DCC: variants seen among roughly 807,000 people sequenced by gnomAD.
DCC encodes the protein DCC netrin 1 receptor, also known as netrin receptor DCC.
DCC carries 58 observed loss-of-function variants against 172.5 expected under a neutral mutation model. The ratio of observed to expected loss-of-function variants is 0.34; its 90% CI spans 0.27 to 0.42. The LOEUF (loss-of-function observed/expected upper bound fraction) is 0.42. DCC is among the 10% of genes least tolerant of loss of function. DCC has a pLI of 1.00. For missense variants in DCC, 1,740 were observed against 1,791.0 expected (o/e 0.97, Z 0.51); for synonymous variants, 709 against 644.5 (o/e 1.10, Z -1.52).
intron 9 of DCC, among the ~76,000 whole-genome samples, chr18:53,190,565 G>A (rs901219446): frequency 6.6e-6 from 1 of 150,874 alleles, no homozygotes; most frequent in Admixed American, 6.6e-5. Context: ...ATTACCTTTT[G>A]ATAACAGTTC....
At chr18:53,158,115 C>T (rs984185457) in intron 8 of DCC, among the ~76,000 whole-genome samples, 1 of 147,264 alleles carries the variant, frequency 6.8e-6, no homozygotes, top group Admixed American at 7.1e-5. Context: ...TATGTCCCCA[C>T]GAAAATTAAA....
In DCC at chr18:52,718,336, A is replaced by C. The variant is rs375791014; in HGVS notation, c.92-33718A>C. ...GTATTTGGGCAGAGATAATTGAATA[A>C]AATTATGTCAGTGAATAGTATTTCT... On this transcript the variant is annotated intron_variant, in intron 1 of 28. Transcript: ENST00000442544. Among the ~76,000 whole-genome samples, 28 of 152,354 alleles carry C rather than the reference A, an allele frequency of 1.8e-4. No homozygotes were observed. In the South Asian group the frequency reaches 5.4e-3, roughly 29 times the overall value.
At chr18:52,806,518 G>T (rs537830567) in intron 2 of DCC, among the ~76,000 whole-genome samples, 1 of 152,260 alleles carries the variant, frequency 6.6e-6, no homozygotes, top group African/African-American at 2.4e-5. Context: ...TTATTTGATG[G>T]CCATGAAATT....
chr18:52,817,569 T>A (rs2038323761), intron 2 of DCC, among the ~76,000 whole-genome samples: 1 of 152,048 alleles, frequency 6.6e-6, no homozygotes, highest in African/African-American at 2.4e-5. Context: ...AATTATAGAA[T>A]CTTTTAAGTC....
At chr18:53,240,562 A>G (rs1015152681) in intron 12 of DCC, among the ~76,000 whole-genome samples, 1 of 152,206 alleles carries the variant, frequency 6.6e-6, no homozygotes, top group East Asian at 1.9e-4. Context: ...TCTTGGTGTC[A>G]GACTCAATAT....
intron 5 of DCC, among the ~76,000 whole-genome samples, chr18:53,009,648 G>A (rs2041698985): frequency 6.6e-6 from 1 of 151,912 alleles, no homozygotes; most frequent in African/African-American, 2.4e-5. Flanking sequence ...GCATAAGTTT[G>A]TCTGTTCTTC....
chr18:53,254,787 A>G (rs2056483429), intron 12 of DCC, among the ~76,000 whole-genome samples: 1 of 152,204 alleles, frequency 6.6e-6, no homozygotes, highest in Admixed American at 6.6e-5. Context: ...GTGAGATGGA[A>G]TCATGCGTAG....
At chr18:53,474,336 A>G (rs1256252535) in intron 25 of DCC, among the ~76,000 whole-genome samples, 1 of 152,218 alleles carries the variant, frequency 6.6e-6, no homozygotes, top group Non-Finnish European at 1.5e-5. Context: ...TAAATTTGCA[A>G]TAAAGAAACC....
At chr18:52,673,857 T>C (rs891908326) in intron 1 of DCC, among the ~76,000 whole-genome samples, 2 of 152,214 alleles carry the variant, frequency 1.3e-5, no homozygotes, top group African/African-American at 4.8e-5. Flanking sequence ...TTAATATTCA[T>C]AGTTGGTAGT....
intron 27 of DCC, among the ~76,000 whole-genome samples, chr18:53,502,373 A>T (rs1432676494): frequency 1.3e-5 from 2 of 152,148 alleles, no homozygotes; most frequent in African/African-American, 4.8e-5. Flanking sequence ...TGATTTTCAA[A>T]TAAGTTCTTC....
At chr18:53,004,742 G>A (rs940159386) in intron 5 of DCC, among the ~76,000 whole-genome samples, 1 of 152,026 alleles carries the variant, frequency 6.6e-6, no homozygotes, top group Non-Finnish European at 1.5e-5. Flanking sequence ...CATTATGTGT[G>A]ATTCCCTGTG....
intron 1 of DCC, among the ~76,000 whole-genome samples, chr18:52,573,391 C>T (rs9967200): frequency 2.4e-4 from 37 of 152,250 alleles, no homozygotes; most frequent in African/African-American, 8.4e-4. Flanking sequence ...GTTATTTCTC[C>T]TGCAGTAAAA....
intron 1 of DCC, among the ~76,000 whole-genome samples, chr18:52,575,535 A>G (rs541923123): frequency 3.3e-5 from 5 of 152,180 alleles, no homozygotes; most frequent in Non-Finnish European, 7.4e-5. Flanking sequence ...AAGATCAGTT[A>G]TAGGTCTGGA....
intron 1 of DCC, among the ~76,000 whole-genome samples, chr18:52,739,418 T>G (rs1036069528): frequency 6.6e-6 from 1 of 152,198 alleles, no homozygotes; most frequent in Non-Finnish European, 1.5e-5. Flanking sequence ...CCAGGGGTTG[T>G]ATGAAATAAA....
chr18:52,744,712 C>T (rs896205086), intron 1 of DCC, among the ~76,000 whole-genome samples: 1 of 152,118 alleles, frequency 6.6e-6, no homozygotes, highest in Non-Finnish European at 1.5e-5. Context: ...TTAAAGTCTT[C>T]CATTAATGGG....
intron 1 of DCC, among the ~76,000 whole-genome samples, chr18:52,512,088 T>G (rs144442720): frequency 3.4e-4 from 52 of 152,312 alleles, no homozygotes; most frequent in African/African-American, 1.1e-3. Context: ...TTACTTTACC[T>G]GAAAGAAGCT....
intron 1 of DCC, among the ~76,000 whole-genome samples, chr18:52,743,198 C>T (rs775088439): frequency 3.9e-5 from 6 of 152,134 alleles, no homozygotes; most frequent in Non-Finnish European, 5.9e-5. Flanking sequence ...CACACTTTTT[C>T]TAAATACTCA....
At chr18:53,000,290 G>A (rs1227460912) in intron 5 of DCC, among the ~76,000 whole-genome samples, 2 of 151,980 alleles carry the variant, frequency 1.3e-5, no homozygotes, top group African/African-American at 4.8e-5. Context: ...GATTTTGTAG[G>A]ATCATATAGT....
intron 7 of DCC, among the ~76,000 whole-genome samples, chr18:53,117,185 T>C (rs2043420955): frequency 1.3e-5 from 2 of 151,768 alleles, no homozygotes; most frequent in South Asian, 2.1e-4. Context: ...ATTTAATCCA[T>C]TTCTACATTG....
Sources: allele counts gnomAD v4.1 joint callset (sites outside exome capture counted in the v4.1 genomes callset), GRCh38; gene constraint gnomAD v4.1.1; transcripts MANE v1.5; gene names NCBI Gene and HGNC (gene_info 2026-07-23, HGNC 2026-07-21).